Variants in PARD3 observed in about 807,000 individuals in gnomAD.
The protein encoded by PARD3 is par-3 family cell polarity regulator.
PARD3 carries 75 observed loss-of-function variants against 155.4 expected under a neutral mutation model. The ratio of observed to expected loss-of-function variants is 0.48; its 90% confidence interval spans 0.40 to 0.58. PARD3 has a LOEUF of 0.58. PARD3 is among the 20% of genes least tolerant of loss of function. PARD3 has a pLI of 0.00. For missense variants in PARD3, 1,642 were observed against 1,721.7 expected, an observed-to-expected ratio of 0.95 and a Z score of 0.82; for synonymous variants, 576 against 610.5, an observed-to-expected ratio of 0.94 and a Z score of 0.83.
chr10:34,437,800 C>A (rs1235557401), intron 5 of PARD3, among the ~76,000 whole-genome samples: 4 of 152,008 alleles, frequency 2.6e-5, no homozygotes, highest in African/African-American at 9.7e-5. Context: ...ATGGTTTGTT[C>A]AAATATTGTT....
chr10:34,500,965 A>T (rs571416856), intron 3 of PARD3, among the ~76,000 whole-genome samples: 9 of 152,344 alleles, frequency 5.9e-5, no homozygotes, highest in Admixed American at 5.2e-4. Context: ...CTAAAAAATT[A>T]CTATATTACT....
intron 22 of PARD3, among the ~76,000 whole-genome samples, chr10:34,182,735 C>T (rs2079113834): frequency 1.7e-5 from 2 of 118,192 alleles, no homozygotes; most frequent in South Asian, 2.6e-4. Context: ...CTTCAAACTA[C>T]ATTTCTTAAA....
At chr10:34,443,875 C>G (rs1404045387) in intron 5 of PARD3, among the ~76,000 whole-genome samples, 3 of 152,180 alleles carry the variant, frequency 2.0e-5, no homozygotes, top group Non-Finnish European at 2.9e-5. Flanking sequence ...ATCATCATTG[C>G]TCCCAAAACT....
chr10:34,440,584 C>T (rs1002681801), intron 5 of PARD3, among the ~76,000 whole-genome samples: 1 of 152,154 alleles, frequency 6.6e-6, no homozygotes, highest in Non-Finnish European at 1.5e-5. Context: ...CAGCTCCTAA[C>T]AGACTTCCCC....
chr10:34,662,909 C>G (rs2489659), intron 2 of PARD3, among the ~76,000 whole-genome samples: 74,633 of 150,432 alleles, frequency 0.5, 22,134 homozygotes, highest in African/African-American at 0.85. Flanking sequence ...AGATCATCAT[C>G]TTAAGTGAAA....
intron 20 of PARD3, among the ~76,000 whole-genome samples, chr10:34,295,569 GCTTC>G (rs1223681839): frequency 6.6e-6 from 1 of 152,144 alleles, no homozygotes; most frequent in African/African-American, 2.4e-5. Flanking sequence ...TGAAGGCAAT[GCTTC>G]ATCATTGCCT....
chr10:34,280,816 G>C (rs994937391), intron 21 of PARD3, among the ~76,000 whole-genome samples: 9 of 152,150 alleles, frequency 5.9e-5, no homozygotes, highest in African/African-American at 2.2e-4. Flanking sequence ...GAATAAATAA[G>C]TTTGGAGAAT....
chr10:34,319,080 T>A (rs1313008089), intron 19 of PARD3, among the ~76,000 whole-genome samples: 2 of 71,410 alleles, frequency 2.8e-5, no homozygotes, highest in East Asian at 1.1e-3. Flanking sequence ...CACCCAGACT[T>A]TTTTTTTTTT....
chr10:34,664,805 C>T (rs945933491), intron 2 of PARD3, among the ~76,000 whole-genome samples: 1 of 152,038 alleles, frequency 6.6e-6, no homozygotes, highest in Non-Finnish European at 1.5e-5. Context: ...TTTTCTTAGT[C>T]AAATTAGCAA....
chr10:34,140,371 G>A (rs755102901), intron 22 of PARD3, among the ~76,000 whole-genome samples: 18 of 152,292 alleles, frequency 1.2e-4, no homozygotes, highest in Non-Finnish European at 2.4e-4. Context: ...CTGTGAAAGC[G>A]TTTGCACGTT....
rs114764190 is a variant in PARD3, at chr10:34,131,630, C to G, written c.3420-47G>C. 127 of 1,574,784 alleles carry G rather than the reference C, an allele frequency of 8.1e-5. 1 individual carries two copies. The African/African-American group carries it at 1.7e-3, about 21-fold the overall frequency. ...AGTGAATACCCTTCAGAAATATTATCTGTGAACTGCAGTTGCTAGCAAAAC... is the reference window on the plus strand; with the variant it reads ...AGTGAATACCCTTCAGAAATATTATGTGTGAACTGCAGTTGCTAGCAAAAC... On this transcript the variant is annotated intron_variant, in intron 22 of 24. Transcript: ENST00000374788.
intron 2 of PARD3, among the ~76,000 whole-genome samples, chr10:34,520,437 A>C (rs2082075806): frequency 6.6e-6 from 1 of 152,114 alleles, no homozygotes; most frequent in African/African-American, 2.4e-5. Context: ...AATAGTTACA[A>C]AAAAAAGGGA....
chr10:34,666,217 C>CA lies in PARD3; in HGVS notation c.222+30100dup, dbSNP rs72060788. On this transcript the variant is annotated intron_variant, in intron 2 of 24. Coordinates refer to ENST00000374788, the MANE Select transcript of PARD3 (RefSeq NM_001184785.2). ...CCTGGATGACAGAGCAAGATCTTATCAAAAAAAAAAAAGCCAATTCTCAAA... is the reference window on the plus strand; with the variant it reads ...CCTGGATGACAGAGCAAGATCTTATCAAAAAAAAAAAAAGCCAATTCTCAAA... Among the ~76,000 whole-genome samples the CA allele has an allele frequency of 6.2e-3, 741 of 119,716 alleles. 7 individuals are homozygous for CA. Among genetic ancestry groups the CA allele is most frequent in the African/African-American group, 0.015 (469 of 31,784 alleles). The allele number at this position is 119,716 out of a possible 152,430, so 78.5% of individuals were successfully genotyped here. A position where few individuals can be genotyped will look rare whatever the true frequency, so the allele number is the denominator to read the frequency against.
Position 34,341,799 on chromosome 10 carries a change from G to A in PARD3, c.2236C>T (p.Pro746Ser). ...TCATCTTGGGGCATATTCACTGTAG[G>A]GGACAGCTGGTATTTACCTGTCCAG... ...SRIMGKYQLS[P>S]TVNMPQDDTV... The change falls in exon 16 of 25, where the codon CCT (proline) becomes TCT (serine). Residue 746 changes from proline (P) to serine (S), a missense_variant. Pro to Ser is a moderately conservative substitution (Grantham distance 74). This residue lies in a region of PARD3 where 1,529 missense variants were observed against 1,587.3 expected (regional missense o/e 0.96). Coordinates refer to ENST00000374788, the MANE Select transcript of PARD3 (RefSeq NM_001184785.2). The A allele has an allele frequency of 6.2e-7, 1 of 1,609,502 alleles. No individual in the cohort carries two copies. The highest frequency in any genetic ancestry group is 1.7e-4 in the Middle Eastern group (1 of 6,046).
At chr10:34,214,674 T>C (rs1009437446) in intron 22 of PARD3, among the ~76,000 whole-genome samples, 3 of 152,150 alleles carry the variant, frequency 2.0e-5, no homozygotes, top group Non-Finnish European at 2.9e-5. Context: ...AAAAAATATA[T>C]TATTTTAAAG....
intron 5 of PARD3, among the ~76,000 whole-genome samples, chr10:34,414,441 A>T (rs541789944): frequency 3.4e-4 from 52 of 152,256 alleles, no homozygotes; most frequent in African/African-American, 9.1e-4. Flanking sequence ...TAGGACTGAG[A>T]AGTTGGAAAG....
intron 1 of PARD3, among the ~76,000 whole-genome samples, chr10:34,736,963 C>T (rs1185083635): frequency 6.6e-6 from 1 of 152,192 alleles, no homozygotes; most frequent in Non-Finnish European, 1.5e-5. Flanking sequence ...AGGCATGAGC[C>T]ACCATGCCTG....
intron 7 of PARD3, among the ~76,000 whole-genome samples, chr10:34,391,626 T>G (rs1842878319): frequency 6.6e-6 from 1 of 152,148 alleles, no homozygotes; most frequent in East Asian, 1.9e-4. Flanking sequence ...AGTTTATATT[T>G]GAGGGGGAAA....
intron 7 of PARD3, among the ~76,000 whole-genome samples, chr10:34,396,577 TC>T (rs1192808727): frequency 6.6e-6 from 1 of 152,116 alleles, no homozygotes; most frequent in Non-Finnish European, 1.5e-5. Context: ...ACTTTGAAAA[TC>T]TAAATGAGAA....
Sources: allele counts gnomAD v4.1 joint callset (sites outside exome capture counted in the v4.1 genomes callset), GRCh38; gene constraint gnomAD v4.1.1; regional missense constraint gnomAD v4.1.1; transcripts MANE v1.5; gene names NCBI Gene and HGNC (gene_info 2026-07-23, HGNC 2026-07-21).